The following SHROOM2 variants were observed in gnomAD, a reference collection of about 807,000 sequenced individuals.
SHROOM2 encodes the protein protein Shroom2.
Under a neutral mutation model 75.9 loss-of-function variants are expected in SHROOM2, and 33 were observed. That is an observed-to-expected ratio of 0.43 (90% CI 0.33 to 0.58). SHROOM2 has a LOEUF of 0.58. Among genes scored for constraint, SHROOM2 ranks in the 20% least tolerant of loss-of-function variants. The pLI is 0.04. For missense variants in SHROOM2, 1,434 were observed against 1,461.2 expected (o/e 0.98, Z 0.30); for synonymous variants, 655 against 663.6 (o/e 0.99, Z 0.20).
chrX:9,948,343 A>G lies in SHROOM2; in HGVS notation c.*1406A>G, dbSNP rs6640571. On this transcript the variant is annotated 3_prime_UTR_variant, in exon 10 of 10. Coordinates refer to ENST00000380913, the MANE Select transcript of SHROOM2 (RefSeq NM_001649.4). Reference sequence around the variant, plus strand: ...ATTTCTTCAAAAAATGTTTAATTAAATGCATGTTAATGGTGAGTGAATCCC... The same window carrying G: ...ATTTCTTCAAAAAATGTTTAATTAAGTGCATGTTAATGGTGAGTGAATCCC... 2.8e-4 allele frequency: 32 copies of G among 113,064 alleles called. No individual in the cohort carries two copies. In the East Asian group the frequency reaches 8.0e-3, roughly 28 times the overall value. 9.3% of individuals were successfully genotyped at this position (113,064 alleles called of 1,213,427 possible). A position where few individuals can be genotyped will look rare whatever the true frequency, so the allele number is the denominator to read the frequency against.
At chrX:9,819,441 G>A (rs1390869950) in intron 1 of SHROOM2, 1 of 353,158 alleles carries the variant, frequency 2.8e-6, no homozygotes, top group Non-Finnish European at 5.1e-6. Flanking sequence ...GAACTGGTCT[G>A]ATATGCTGGG....
chrX:9,845,502 A>G (rs1038791891), intron 1 of SHROOM2, among the ~76,000 whole-genome samples: 1 of 111,132 alleles, frequency 9.0e-6, no homozygotes, highest in South Asian at 3.8e-4. Context: ...AGCATCTCCC[A>G]TCCCACCTTG....
At chrX:9,791,939 C>CACT (rs2083650708) in intron 1 of SHROOM2, among the ~76,000 whole-genome samples, 1 of 94,487 alleles carries the variant, frequency 1.1e-5, no homozygotes, top group Non-Finnish European at 2.1e-5. Flanking sequence ...CGTGCCATTG[C>CACT]CCTGGGCAAC....
intron 7 of SHROOM2, among the ~76,000 whole-genome samples, chrX:9,938,187 ATATG>A (rs1196765860): frequency 9.0e-6 from 1 of 111,422 alleles, no homozygotes; most frequent in African/African-American, 3.3e-5. Flanking sequence ...GATTGAATAT[ATATG>A]TGTTTCTTTA....
rs532567951 is a variant in SHROOM2, at chrX:9,872,916, G to A, written c.166-736G>A. ...GACACTGATGAATAGATAAAATGCG[G>A]TCTGTCCATACAAGTGAATGTTACT... On this transcript the variant is annotated intron_variant, in intron 1 of 9. Transcript: ENST00000380913. Among the ~76,000 whole-genome samples, 37 of 112,310 alleles carry A rather than the reference G, an allele frequency of 3.3e-4. No individual in the cohort carries two copies. In the South Asian group the frequency reaches 9.2e-3, roughly 28 times the overall value.
rs749829149 is a variant in SHROOM2, at chrX:9,894,331, G to A, written c.450-27G>A. On this transcript the variant is annotated intron_variant, in intron 3 of 9. Coordinates refer to ENST00000380913, the MANE Select transcript of SHROOM2 (RefSeq NM_001649.4). ...CATTGCTGTTGCTAAAGCACACCAT[G>A]CCTTGTCCTTCTTCTCATTCTTGCA... 7 of 1,190,328 alleles carry A rather than the reference G, an allele frequency of 5.9e-6. No homozygotes were observed. The South Asian group carries it at 7.3e-5, about 12-fold the overall frequency.
At chrX:9,864,080 C>T (rs375289226) in intron 1 of SHROOM2, among the ~76,000 whole-genome samples, 144 of 110,757 alleles carry the variant, frequency 1.3e-3, no homozygotes, top group African/African-American at 4.4e-3. Flanking sequence ...AGTCTGTCTC[C>T]GGGCGAAACT....
chrX:9,894,867 C>G lies in SHROOM2; in HGVS notation c.959C>G (p.Pro320Arg), dbSNP rs768056959. The change falls in exon 4 of 10, where the codon CCT becomes CGT. Residue 320 changes from proline (P) to arginine (R), a missense_variant. Physicochemically the swap from Pro to Arg is moderately radical, Grantham distance 103 (BLOSUM62 -2). Around this residue, in one of 3 missense-constraint regions of SHROOM2, gnomAD observed 1,340 missense variants for 1,338.3 expected, o/e 1.00. Transcript: ENST00000380913. ...TCATCCCCACCTCCTCCCCCTCCCC[C>G]TCTCCGCAGTGACAGCTTTGCTGCC... ...APSSPPPPPP[P>R]LRSDSFAATK... 8.3e-6 allele frequency: 10 copies of G among 1,211,389 alleles called. No homozygotes were observed. Among genetic ancestry groups the G allele is most frequent in the Non-Finnish European group, 1.0e-5 (9 of 895,275 alleles).
chrX:9,809,032 T>C (rs759385777), intron 1 of SHROOM2, among the ~76,000 whole-genome samples: 44 of 109,911 alleles, frequency 4.0e-4, no homozygotes, highest in African/African-American at 1.3e-3. Context: ...CATCCATTAG[T>C]ACTCCCTCCC....
rs1166769024 is a variant in SHROOM2, at chrX:9,830,584, C to CTTTTTT, written c.166-43039_166-43034dup. Among the ~76,000 whole-genome samples the CTTTTTT allele has an allele frequency of 2.0e-3, 66 of 33,650 alleles. 6 individuals carry two copies. Among genetic ancestry groups the CTTTTTT allele is most frequent in the African/African-American group, 2.3e-3 (19 of 8,362 alleles). The allele number at this position is 33,650 out of a possible 115,157, so 29.2% of individuals were successfully genotyped here. A position where few individuals can be genotyped will look rare whatever the true frequency, so the allele number is the denominator to read the frequency against. On this transcript the variant is annotated intron_variant, in intron 1 of 9. Coordinates refer to ENST00000380913, the MANE Select transcript of SHROOM2 (RefSeq NM_001649.4). The stretch of plus-strand genomic sequence containing the variant: ...AGGGTCTCAAGTGAACCCCTGGTTT[C>CTTTTTT]TTTTTTTTTTTTTTTTTTTTTTTTT...
chrX:9,910,319 G>A lies in SHROOM2; in HGVS notation c.2891+12029G>A, dbSNP rs140334855. Among the ~76,000 whole-genome samples the A allele has an allele frequency of 7.4e-3, 826 of 111,659 alleles. 5 individuals carry two copies. The highest frequency in any genetic ancestry group is 0.026 in the African/African-American group (796 of 30,729). On this transcript the variant is annotated intron_variant, in intron 5 of 9. Coordinates refer to ENST00000380913, the MANE Select transcript of SHROOM2 (RefSeq NM_001649.4). Reference sequence around the variant, plus strand: ...CTATGACAAACACACCCCATAGTAAGTCAGATATTAATAATAGGGGGAAGT... The same window carrying A: ...CTATGACAAACACACCCCATAGTAAATCAGATATTAATAATAGGGGGAAGT...
intron 1 of SHROOM2, among the ~76,000 whole-genome samples, chrX:9,857,821 T>C (rs1239491983): frequency 9.0e-6 from 1 of 111,040 alleles, no homozygotes; most frequent in Non-Finnish European, 1.9e-5. Context: ...TCCTGGCTGC[T>C]CATTTCCCCA....
chrX:9,823,767 T>C (rs1200668465), intron 1 of SHROOM2, among the ~76,000 whole-genome samples: 1 of 98,483 alleles, frequency 1.0e-5, no homozygotes, highest in Non-Finnish European at 2.1e-5. Context: ...TTTTTTCTTT[T>C]TTTTTTTTTG....
intron 1 of SHROOM2, among the ~76,000 whole-genome samples, chrX:9,844,787 C>T (rs2083997053): frequency 9.0e-6 from 1 of 110,917 alleles, no homozygotes; most frequent in Non-Finnish European, 1.9e-5. Context: ...TGCACTCCAG[C>T]CTGGGCAACA....
At chrX:9,787,069 C>T (rs1188874090) in intron 1 of SHROOM2, among the ~76,000 whole-genome samples, 1 of 111,974 alleles carries the variant, frequency 8.9e-6, no homozygotes, top group African/African-American at 3.2e-5. Context: ...CCGTCCCCAC[C>T]TATGTTTGCC....
chrX:9,890,687 G>C (rs954632804), intron 2 of SHROOM2, among the ~76,000 whole-genome samples: 2 of 107,336 alleles, frequency 1.9e-5, no homozygotes, highest in Non-Finnish European at 3.9e-5. Context: ...CGCTGCGTGC[G>C]GTCCTCGAGC....
intron 1 of SHROOM2, among the ~76,000 whole-genome samples, chrX:9,851,708 C>T (rs1263068629): frequency 2.8e-5 from 3 of 107,516 alleles, no homozygotes; most frequent in Admixed American, 2.0e-4. Context: ...TCCAGTGGTC[C>T]TTCTGCCTTG....
At chrX:9,802,410 G>T (rs966858058) in intron 1 of SHROOM2, among the ~76,000 whole-genome samples, 4 of 112,650 alleles carry the variant, frequency 3.6e-5, no homozygotes, top group African/African-American at 1.3e-4. Flanking sequence ...CTGCTTTAGA[G>T]AATGATTTGC....
intron 5 of SHROOM2, among the ~76,000 whole-genome samples, chrX:9,921,459 CTTTTT>C (rs57840045): frequency 9.2e-6 from 1 of 108,473 alleles, no homozygotes; most frequent in Non-Finnish European, 1.9e-5. Flanking sequence ...TGTCAACCCT[CTTTTT>C]TTTTGTTGTC....
Sources: gnomAD v4.1 joint callset for allele counts (sites outside exome capture counted in the v4.1 genomes callset) on GRCh38, gnomAD v4.1.1 for gene constraint, gnomAD v4.1.1 regional missense constraint, MANE v1.5 for transcripts, NCBI Gene and HGNC (gene_info 2026-07-23, HGNC 2026-07-21) for gene names.